The following MCM3 variants were observed in gnomAD, a reference collection of about 807,000 sequenced individuals.
MCM3 encodes DNA replication licensing factor MCM3.
Under a neutral mutation model 91.3 loss-of-function variants are expected in MCM3, and 59 were observed. The observed-to-expected ratio is 0.65, with a 90% CI of 0.52 to 0.80. MCM3 has a LOEUF of 0.80. Among genes scored for constraint, MCM3 ranks in the 30% least tolerant of loss-of-function variants. The probability of loss-of-function intolerance (pLI) is 0.00; values close to 1 mark genes in which losing one functional copy is unlikely to be tolerated. For missense variants in MCM3, 919 were observed against 1,035.4 expected, an observed-to-expected ratio of 0.89 and a Z score of 1.54; for synonymous variants, 383 against 379.6, an observed-to-expected ratio of 1.01 and a Z score of -0.10.
intron 9 of MCM3, among the ~76,000 whole-genome samples, chr6:52,274,599 G>T (rs1258424326): frequency 2.0e-5 from 3 of 151,646 alleles, no homozygotes; most frequent in Non-Finnish European, 4.4e-5. Flanking sequence ...GAGGTGGGAG[G>T]ATCACCTGAG....
intron 5 of MCM3, 67 bp from the exon 6 acceptor site, chr6:52,278,917 TA>T: frequency 1.7e-6 from 2 of 1,148,808 alleles, no homozygotes; most frequent in Non-Finnish European, 2.5e-6. Flanking sequence ...CTAGTACCCC[TA>T]GCAGGAGTAA....
rs1049136695 is a variant in MCM3, at chr6:52,264,806, G to A, written c.2229-20C>T. On this transcript the variant is annotated intron_variant, in intron 16 of 16. Transcript: ENST00000596288. ...TTCAACCTGCCCCAGACAGAAGAAA[G>A]GGGGAAGAGGAGTAAACAAACCCAA... 3 of 1,611,116 alleles carry A rather than the reference G, an allele frequency of 1.9e-6. No individual in the cohort carries two copies. The highest frequency in any genetic ancestry group is 2.5e-6 in the Non-Finnish European group (3 of 1,178,308).
Position 52,264,499 on chromosome 6 carries a change from G to C in MCM3, c.*89C>G. 4 of 1,376,036 alleles carry C rather than the reference G, an allele frequency of 2.9e-6. No homozygotes were observed. Among genetic ancestry groups the C allele is most frequent in the East Asian group, 4.6e-5 (2 of 43,634 alleles). The allele number at this position is 1,376,036 out of a possible 1,614,324, so 85.2% of individuals were successfully genotyped here. ...TCAGTTGAATTCAACACTGTTAAGG[G>C]AGTAGAGGCAAAGACTTGGGTCAGG... On this transcript the variant is annotated 3_prime_UTR_variant, in exon 17 of 17. Coordinates refer to ENST00000596288, the MANE Select transcript of MCM3 (RefSeq NM_002388.6).
intron 1 of MCM3, among the ~76,000 whole-genome samples, chr6:52,283,607 TATA>T (rs1425557925): frequency 1.3e-5 from 2 of 152,230 alleles, no homozygotes; most frequent in Non-Finnish European, 2.9e-5. Flanking sequence ...CTATAAGAAT[TATA>T]ATGACTTCCT....
chr6:52,265,201 CA>C, intron 16 of MCM3: 2 of 357,316 alleles, frequency 5.6e-6, no homozygotes, highest in Non-Finnish European at 1.1e-5. Flanking sequence ...TGTCTATCAT[CA>C]GAGAATTTCA....
intron 11 of MCM3, 105 bp from the exon 12 acceptor site, chr6:52,272,556 AC>A: frequency 8.2e-7 from 1 of 1,226,442 alleles, no homozygotes; most frequent in Non-Finnish European, 1.1e-6. Context: ...AAAGCCTAGA[AC>A]CCATTATCAT....
rs1765690290 is a variant in MCM3, at chr6:52,277,557, C to G, written c.1011G>C (p.Gly337=). 1.2e-6 allele frequency: 2 copies of G among 1,613,840 alleles called. No individual in the cohort carries two copies. Among genetic ancestry groups the G allele is most frequent in the Non-Finnish European group, 8.5e-7 (1 of 1,179,932 alleles). Residue 337 remains glycine, a synonymous_variant, in exon 7 of 17, where the codon GGG becomes GGC. Transcript: ENST00000596288. ...TACCTATTAGAAGAATATTGATGTC[C>G]CCACGGATGTGGCTGCCATTTTCTA... The part of the protein sequence containing the change: ...RDLENGSHIR[G]DINILLIGDP...
chr6:52,266,649 G>C lies in MCM3; in HGVS notation c.2120C>G (p.Pro707Arg). The change falls in exon 15 of 17, where the codon CCC (proline) becomes CGC (arginine). Residue 707 changes from proline (P) to arginine (R), a missense_variant. Coordinates refer to ENST00000596288, the MANE Select transcript of MCM3 (RefSeq NM_002388.6). ...PDAKDGDSYD[P>R]YDFSDTEEEM... ...CTCCTCTGTGTCACTGAAGTCATAG[G>C]GGTCGTATGAATCCCCATCTTTGGC... 2 of 1,614,118 alleles carry C rather than the reference G, an allele frequency of 1.2e-6. No homozygotes were observed. The highest frequency in any genetic ancestry group is 1.7e-6 in the Non-Finnish European group (2 of 1,180,014).
At chr6:52,278,357 G>A (rs1190330017) in intron 6 of MCM3, among the ~76,000 whole-genome samples, 2 of 152,126 alleles carry the variant, frequency 1.3e-5, no homozygotes, top group Non-Finnish European at 2.9e-5. Flanking sequence ...AATTCTAAAT[G>A]TGGATATACA....
rs1205345721 is a variant in MCM3 at position 52,273,800 on chromosome 6, G to T, written c.1491C>A (p.Ile497=). The part of the protein sequence containing the change: ...DQMDPEQDRE[I]SDHVLRMHRY... ...GGTGCATCCGAAGGACATGGTCTGA[G>T]ATCTCCCGATCCTGCTCAGGATCCA... The change falls in exon 10 of 17, where the codon ATC becomes ATA. Residue 497 remains isoleucine (I), a synonymous_variant. Transcript: ENST00000596288. The T allele has an allele frequency of 6.2e-7, 1 of 1,613,974 alleles. No homozygotes were observed. The highest frequency in any genetic ancestry group is 8.5e-7 in the Non-Finnish European group (1 of 1,180,036).
At position 52,276,326 on chromosome 6, in the gene MCM3, T is replaced by C. The variant is rs1466197448; in HGVS notation, c.1316A>G (p.His439Arg). The change falls in exon 9 of 17, where the codon CAT (histidine) becomes CGT (arginine). Residue 439 changes from histidine (H) to arginine (R), a missense_variant. Transcript: ENST00000596288. ...GRVTIAKAGI[H>R]ARLNARCSVL... Reference sequence around the variant, plus strand: ...ACTGCAGCGGGCATTCAGCCGAGCATGGATGCCAGCCTTGGCAATGGTCAC... The same window carrying C: ...ACTGCAGCGGGCATTCAGCCGAGCACGGATGCCAGCCTTGGCAATGGTCAC... 1.2e-6 allele frequency: 2 copies of C among 1,613,400 alleles called. No homozygotes were observed. Among genetic ancestry groups the C allele is most frequent in the African/African-American group, 1.3e-5 (1 of 74,908 alleles).
At chr6:52,267,096 CTTT>C (rs70977337) in intron 14 of MCM3, among the ~76,000 whole-genome samples, 10 of 111,564 alleles carry the variant, frequency 9.0e-5, no homozygotes, top group South Asian at 3.1e-4. Flanking sequence ...AGGGTATCTT[CTTT>C]TTTTTTTTTT....
At chr6:52,274,147 G>T (rs1399681605) in intron 9 of MCM3, among the ~76,000 whole-genome samples, 1 of 152,132 alleles carries the variant, frequency 6.6e-6, no homozygotes, top group Non-Finnish European at 1.5e-5. Flanking sequence ...TTCTACTACA[G>T]GAACCTCTAA....
rs11962162 is a variant in MCM3, at chr6:52,284,458, G to C, written c.78+139C>G. The C allele has an allele frequency of 7.9e-3, 5,479 of 692,750 alleles. 203 individuals are homozygous for C. In the African/African-American group the frequency reaches 0.09, roughly 11 times the overall value. 42.9% of individuals were successfully genotyped at this position (692,750 alleles called of 1,614,324 possible). A position where few individuals can be genotyped will look rare whatever the true frequency, so the allele number is the denominator to read the frequency against. On this transcript the variant is annotated intron_variant, in intron 1 of 16. Coordinates refer to ENST00000596288, the MANE Select transcript of MCM3 (RefSeq NM_002388.6). ...CGAGTCCGGCGTTGAGAAGTTACAA[G>C]ATTGGGGCTGGAGGCTCGGGCCCGG...
chr6:52,264,981 G>A (rs1032759970), intron 16 of MCM3, among the ~76,000 whole-genome samples, 195 bp from the exon 17 acceptor site: 3 of 152,174 alleles, frequency 2.0e-5, no homozygotes, highest in African/African-American at 2.4e-5. Flanking sequence ...TTGTACTAGC[G>A]TGTGGGAAAT....
rs1233824268 is a variant in MCM3 at position 52,269,142 on chromosome 6, CCA to C, written c.1910_1911del (p.Val637GlyfsTer18). 2 of 1,614,018 alleles carry C rather than the reference CCA, an allele frequency of 1.2e-6. No individual in the cohort carries two copies. Among genetic ancestry groups the C allele is most frequent in the African/African-American group, 1.3e-5 (1 of 74,952 alleles). ...AHAKARMSKT[V>X]DLQDAEEAVE... ...ACAGCTTCCTCTGCATCCTGCAGGT[CCA>C]CAGTCTTGCTCATGCGGGCCTTCGC... On this transcript the variant is annotated frameshift_variant, in exon 13 of 17. Transcript: ENST00000596288. LOFTEE classifies it high-confidence loss of function.
Position 52,282,833 on chromosome 6 carries a change from C to T in MCM3, c.220G>A (p.Val74Ile), listed in dbSNP as rs927288183. The change falls in exon 3 of 17, where the codon GTT (valine) becomes ATT (isoleucine). Residue 74 changes from valine (V) to isoleucine (I), a missense_variant. Around this residue, in one of 3 missense-constraint regions of MCM3, gnomAD observed 401 missense variants for 402.7 expected, o/e 1.00. Coordinates refer to ENST00000596288, the MANE Select transcript of MCM3 (RefSeq NM_002388.6). ...TCCTTTAAGGCCCGCTGGAAGGCAA[C>T]CAGCTCCTCAAAGGCATTGTTCAGA... ...RLLNNAFEEL[V>I]AFQRALKDFV... 8 of 1,613,886 alleles carry T rather than the reference C, an allele frequency of 5.0e-6. No homozygotes were observed. Among genetic ancestry groups the T allele is most frequent in the Admixed American group, 3.3e-5 (2 of 59,974 alleles).
At position 52,277,088 on chromosome 6, in the gene MCM3, C is replaced by T; in HGVS notation, c.1144G>A (p.Val382Ile). Residue 382 changes from valine to isoleucine, a missense_variant, in exon 8 of 17, where the codon GTC becomes ATC. By Grantham distance (29) the Val-to-Ile change is conservative. This residue lies in a region of MCM3 where 233 missense variants were observed against 321.2 expected (regional missense o/e 0.73). Transcript: ENST00000596288. ...TTACCTGTTTCCTGGTCTGTGGTGA[C>T]AGCAGCCGTCAGACCCACTCCAGAG... is the stretch of plus-strand genomic sequence containing the variant. The part of the protein sequence containing the change: ...GSSGVGLTAA[V>I]TTDQETGERR... The T allele has an allele frequency of 6.2e-7, 1 of 1,614,008 alleles. No individual in the cohort carries two copies. The highest frequency in any genetic ancestry group is 2.2e-5 in the East Asian group (1 of 44,878).
In MCM3 at chr6:52,264,626, G is replaced by C. The variant is rs1460799789; in HGVS notation, c.2389C>G (p.Gln797Glu). The stretch of plus-strand genomic sequence containing the variant: ...ATGATGCCCTCAGACACCATGACCT[G>C]ATTGTCATCCTGCATCTTGCTCAGA... ...AALSKMQDDN[Q>E]VMVSEGIIFL... The change falls in exon 17 of 17, where the codon CAG becomes GAG. Residue 797 changes from glutamine to glutamate, a missense_variant. Gln to Glu is a conservative substitution (Grantham distance 29, BLOSUM62 2). Transcript: ENST00000596288. 1.9e-6 allele frequency: 3 copies of C among 1,614,068 alleles called. No individual in the cohort carries two copies. The highest frequency in any genetic ancestry group is 2.5e-6 in the Non-Finnish European group (3 of 1,180,036).
Sources: gnomAD v4.1 joint callset for allele counts (sites outside exome capture counted in the v4.1 genomes callset) on GRCh38, gnomAD v4.1.1 for gene constraint, gnomAD v4.1.1 regional missense constraint, MANE v1.5 for transcripts, NCBI Gene and HGNC (gene_info 2026-07-23, HGNC 2026-07-21) for gene names.